Variants in FBP1 observed in about 807,000 individuals in gnomAD.
FBP1 encodes fructose-1,6-bisphosphatase 1.
FBP1 carries 22 observed loss-of-function variants against 29.9 expected under a neutral mutation model. The observed-to-expected ratio is 0.74, with a 90% CI of 0.53 to 1.05. The LOEUF (loss-of-function observed/expected upper bound fraction) is 1.05, where lower values mean the gene tolerates loss of function less well. Ranked by LOEUF, FBP1 falls within the 50% of genes least tolerant of loss-of-function variation. FBP1 has a pLI of 0.00. For missense variants in FBP1, 345 were observed against 448.2 expected (o/e 0.77, Z 2.08); for synonymous variants, 175 against 178.6 (o/e 0.98, Z 0.16).
intron 1 of FBP1, among the ~76,000 whole-genome samples, chr9:94,625,095 C>T (rs1418147690): frequency 1.8e-5 from 2 of 109,226 alleles, no homozygotes; most frequent in African/African-American, 5.2e-5. Context: ...ATTTTCCGAG[C>T]TTGCAGACTC....
intron 4 of FBP1, among the ~76,000 whole-genome samples, chr9:94,607,785 A>C (rs1421008592): frequency 3.3e-5 from 5 of 151,718 alleles, no homozygotes; most frequent in South Asian, 2.1e-4. Flanking sequence ...AGGCCCACCG[A>C]CACCTCTCTA....
At chr9:94,619,730 C>T (rs1436138828) in intron 2 of FBP1, among the ~76,000 whole-genome samples, 1 of 151,854 alleles carries the variant, frequency 6.6e-6, no homozygotes, top group Non-Finnish European at 1.5e-5. Context: ...AAAAATTAGC[C>T]AGGTGTGGTG....
chr9:94,633,931 C>T (rs1190680047), intron 1 of FBP1, among the ~76,000 whole-genome samples: 4 of 151,202 alleles, frequency 2.6e-5, no homozygotes, highest in African/African-American at 7.3e-5. Context: ...TGGTCTCGAT[C>T]TCCTGACCTC....
chr9:94,608,779 C>T (rs911268135), intron 4 of FBP1, among the ~76,000 whole-genome samples: 1 of 152,228 alleles, frequency 6.6e-6, no homozygotes, highest in South Asian at 2.1e-4. Context: ...CACACAGACC[C>T]GGCCTCACCT....
chr9:94,622,160 C>A (rs1364830267), intron 1 of FBP1, among the ~76,000 whole-genome samples: 1 of 152,188 alleles, frequency 6.6e-6, no homozygotes, highest in Non-Finnish European at 1.5e-5. Context: ...TATAGAATTC[C>A]CAGAATCCAG....
At chr9:94,620,287 CCGGCTA>C (rs765610700) in intron 2 of FBP1, 36 bp downstream of exon 2, 1 of 1,605,788 alleles carries the variant, frequency 6.2e-7, no homozygotes, top group Non-Finnish European at 8.5e-7. Context: ...GGGAAGAAGA[CCGGCTA>C]CATTAAAACC....
chr9:94,620,680 A>C (rs1037273639), intron 1 of FBP1, among the ~76,000 whole-genome samples, 189 bp from the exon 2 acceptor site: 3 of 152,180 alleles, frequency 2.0e-5, no homozygotes, highest in Non-Finnish European at 4.4e-5. Context: ...ACCAAACACC[A>C]CATGTTCTCA....
At chr9:94,611,022 C>A (rs1387135921) in intron 3 of FBP1, among the ~76,000 whole-genome samples, 1 of 152,086 alleles carries the variant, frequency 6.6e-6, no homozygotes, top group Non-Finnish European at 1.5e-5. Flanking sequence ...TGCCACCACA[C>A]CCAGTTAATT....
At chr9:94,638,171 C>A (rs1828223657) in intron 1 of FBP1, among the ~76,000 whole-genome samples, 1 of 151,834 alleles carries the variant, frequency 6.6e-6, no homozygotes, top group African/African-American at 2.4e-5. Context: ...TTACAAAAAA[C>A]CTCACAAGAA....
At position 94,632,744 on chromosome 9, in the gene FBP1, T is replaced by C. The variant is rs1436056830; in HGVS notation, c.170+6397A>G. Among the ~76,000 whole-genome samples, 4 of 152,352 alleles carry C rather than the reference T, an allele frequency of 2.6e-5. No homozygotes were observed. The East Asian group carries it at 7.7e-4, about 29-fold the overall frequency. On this transcript the variant is annotated intron_variant, in intron 1 of 6. Transcript: ENST00000375326. ...ATTGGTACCCAATTAGTAAACTTAA[T>C]TGATCCTCCTACGAGTCTCTGAGGC... is the stretch of plus-strand genomic sequence containing the variant.
At chr9:94,605,628 T>C in intron 5 of FBP1, 52 bp from the exon 6 acceptor site, 1 of 1,580,558 alleles carries the variant, frequency 6.3e-7, no homozygotes, top group Non-Finnish European at 8.7e-7. Context: ...AGAAAGAGAG[T>C]TTTCTTGGTG....
intron 1 of FBP1, among the ~76,000 whole-genome samples, chr9:94,629,594 G>A (rs528697641): frequency 6.6e-6 from 1 of 152,296 alleles, no homozygotes; most frequent in South Asian, 2.1e-4. Context: ...CCTGGAAAAT[G>A]TGTGCAAGAG....
At chr9:94,635,604 G>A (rs1420392748) in intron 1 of FBP1, among the ~76,000 whole-genome samples, 2 of 152,282 alleles carry the variant, frequency 1.3e-5, no homozygotes, top group East Asian at 1.9e-4. Context: ...TGTAGGTTGG[G>A]GGCCTGGCTT....
intron 3 of FBP1, among the ~76,000 whole-genome samples, chr9:94,617,015 G>A (rs750372182): frequency 3.3e-5 from 5 of 152,102 alleles, no homozygotes; most frequent in Non-Finnish European, 5.9e-5. Context: ...GACCCGAGCA[G>A]GGCTGGATTC....
At chr9:94,606,025 T>A (rs1827694694) in intron 5 of FBP1, among the ~76,000 whole-genome samples, 1 of 151,960 alleles carries the variant, frequency 6.6e-6, no homozygotes, top group Non-Finnish European at 1.5e-5. Context: ...CCTGTGGGAC[T>A]CGGGTGTGCG....
chr9:94,615,067 C>T (rs1396144104), intron 3 of FBP1, among the ~76,000 whole-genome samples: 1 of 152,142 alleles, frequency 6.6e-6, no homozygotes, highest in East Asian at 1.9e-4. Context: ...TGCCACCACA[C>T]CCGGCTGATT....
At chr9:94,612,708 C>A (rs1160468825) in intron 3 of FBP1, among the ~76,000 whole-genome samples, 1 of 151,940 alleles carries the variant, frequency 6.6e-6, no homozygotes, top group East Asian at 1.9e-4. Flanking sequence ...AGGCGCCCAC[C>A]ACCACGCCTG....
chr9:94,634,059 CG>C (rs1457203921), intron 1 of FBP1, among the ~76,000 whole-genome samples: 1 of 149,830 alleles, frequency 6.7e-6, no homozygotes, highest in Non-Finnish European at 1.5e-5. Context: ...TTTGGGAGGC[CG>C]GGGCGGGCAG....
In FBP1 at chr9:94,605,478, G is replaced by C. The variant is rs1172553015; in HGVS notation, c.804C>G (p.Asn268Lys). ...VYGGIFLYPA[N>K]KKSPNGKLRL... ...TTACCTTTCCATTGGGGCTCTTCTT[G>C]TTAGCGGGGTACAGAAATATCCCTC... Residue 268 changes from asparagine (N) to lysine (K), a missense_variant, in exon 6 of 7, where the codon AAC becomes AAG. Asn to Lys is a moderately conservative substitution (Grantham distance 94). Coordinates refer to ENST00000375326, the MANE Select transcript of FBP1 (RefSeq NM_000507.4). The C allele has an allele frequency of 6.2e-7, 1 of 1,613,932 alleles. No individual in the cohort carries two copies. The highest frequency in any genetic ancestry group is 8.5e-7 in the Non-Finnish European group (1 of 1,180,004).
Sources: allele counts gnomAD v4.1 joint callset (sites outside exome capture counted in the v4.1 genomes callset), GRCh38; gene constraint gnomAD v4.1.1; transcripts MANE v1.5; gene names NCBI Gene and HGNC (gene_info 2026-07-23, HGNC 2026-07-21).